The following SLAIN1 variants were observed in gnomAD, a reference collection of about 807,000 sequenced individuals.
The protein encoded by SLAIN1 is SLAIN motif-containing protein 1.
A neutral mutation model predicts 55.4 loss-of-function variants in SLAIN1; 17 were observed. The ratio of observed to expected loss-of-function variants is 0.31; its 90% CI spans 0.21 to 0.46. The LOEUF is 0.46. Among genes scored for constraint, SLAIN1 ranks in the 20% least tolerant of loss-of-function variants. The probability of loss-of-function intolerance (pLI) is 1.00; values close to 1 mark genes in which losing one functional copy is unlikely to be tolerated. For synonymous variants in SLAIN1, 348 were observed against 337.4 expected (o/e 1.03, Z -0.35); for missense variants, 682 against 785.1 (o/e 0.87, Z 1.57).
chr13:77,739,928 C>A (rs765897963), intron 2 of SLAIN1, among the ~76,000 whole-genome samples: 4 of 151,678 alleles, frequency 2.6e-5, no homozygotes, highest in African/African-American at 4.8e-5. Context: ...AATAAGAGAC[C>A]GTTAGTCACC....
chr13:77,725,930 A>G (rs1206429234), intron 2 of SLAIN1, among the ~76,000 whole-genome samples: 1 of 152,164 alleles, frequency 6.6e-6, no homozygotes, highest in Non-Finnish European at 1.5e-5. Context: ...ACAATTGCTA[A>G]TGAGCTTATT....
At chr13:77,720,475 A>G (rs1002460699) in intron 2 of SLAIN1, among the ~76,000 whole-genome samples, 5 of 152,310 alleles carry the variant, frequency 3.3e-5, no homozygotes, top group East Asian at 1.9e-4. Context: ...TGTGATTCTC[A>G]TGTACACTGA....
At chr13:77,720,519 G>C (rs1290952164) in intron 2 of SLAIN1, among the ~76,000 whole-genome samples, 2 of 152,160 alleles carry the variant, frequency 1.3e-5, no homozygotes. Context: ...GCTCTTTGAG[G>C]ATAATGAATA....
chr13:77,740,917 C>T (rs1178357089), intron 2 of SLAIN1, among the ~76,000 whole-genome samples: 1 of 152,026 alleles, frequency 6.6e-6, no homozygotes. Context: ...TTTTGTTAGC[C>T]TGCCTTTACA....
At chr13:77,760,082 T>G (rs1146920) in intron 5 of SLAIN1, among the ~76,000 whole-genome samples, 47,881 of 151,942 alleles carry the variant, frequency 0.32, 7,779 homozygotes, top group African/African-American at 0.37. Context: ...GTACTAGGCA[T>G]CAAAGGCTTG....
At position 77,738,157 on chromosome 13, in the gene SLAIN1, G is replaced by A. The variant is rs143033973; in HGVS notation, c.767-6126G>A. On this transcript the variant is annotated intron_variant, in intron 2 of 6. Coordinates refer to ENST00000418532, the MANE Select transcript of SLAIN1 (RefSeq NM_001242868.2). ...AGGAATGACTCTAGATGTTGTAAAC[G>A]TTGGGCATCTGAATCATTCTGGAGC... 7.0e-3 allele frequency among the ~76,000 whole-genome samples: 1,057 copies of A among 151,764 alleles called. 12 individuals are homozygous for A. Among genetic ancestry groups the A allele is most frequent in the African/African-American group, 0.024 (1,004 of 41,374 alleles).
At chr13:77,740,240 G>T (rs1873349651) in intron 2 of SLAIN1, among the ~76,000 whole-genome samples, 1 of 152,014 alleles carries the variant, frequency 6.6e-6, no homozygotes, top group African/African-American at 2.4e-5. Context: ...TTCAGAACAG[G>T]TTTGCTCAGG....
chr13:77,711,596 C>CA (rs1052672144), intron 1 of SLAIN1, among the ~76,000 whole-genome samples: 3 of 151,922 alleles, frequency 2.0e-5, no homozygotes, highest in African/African-American at 2.4e-5. Context: ...ACCTATCAAC[C>CA]AAAAAAAGCC....
At chr13:77,728,807 G>A (rs928113644) in intron 2 of SLAIN1, among the ~76,000 whole-genome samples, 1 of 152,140 alleles carries the variant, frequency 6.6e-6, no homozygotes, top group Non-Finnish European at 1.5e-5. Flanking sequence ...GTCTCTCCTT[G>A]CTTGGCCCAA....
At chr13:77,748,398 C>CTTTTTTTTTT (rs934265928) in intron 4 of SLAIN1, among the ~76,000 whole-genome samples, 7 of 79,552 alleles carry the variant, frequency 8.8e-5, no homozygotes, top group African/African-American at 5.2e-5. Flanking sequence ...TTCTCTAAAG[C>CTTTTTTTTTT]TTTTTTTTTT....
At chr13:77,741,427 G>C in intron 2 of SLAIN1, 1 of 987,418 alleles carries the variant, frequency 1.0e-6, no homozygotes, top group Non-Finnish European at 1.2e-6. Context: ...ATTGGGAAAA[G>C]CTGCTTAACC....
chr13:77,701,945 A>G (rs946666351), intron 1 of SLAIN1, among the ~76,000 whole-genome samples: 1 of 128,336 alleles, frequency 7.8e-6, no homozygotes, highest in South Asian at 2.7e-4. Context: ...AGTCCCCAGA[A>G]TGTGATATTC....
intron 2 of SLAIN1, among the ~76,000 whole-genome samples, chr13:77,729,062 A>G (rs1482787196): frequency 6.6e-6 from 1 of 152,180 alleles, no homozygotes; most frequent in African/African-American, 2.4e-5. Context: ...GGATTTCATC[A>G]CATCTTTATG....
intron 1 of SLAIN1, among the ~76,000 whole-genome samples, chr13:77,716,998 T>C (rs1247661946): frequency 1.3e-5 from 2 of 152,174 alleles, no homozygotes; most frequent in East Asian, 1.9e-4. Flanking sequence ...TTTTTGTAGA[T>C]GCCTTCAATC....
At chr13:77,711,353 G>A (rs1290125332) in intron 1 of SLAIN1, among the ~76,000 whole-genome samples, 1 of 152,062 alleles carries the variant, frequency 6.6e-6, no homozygotes, top group Non-Finnish European at 1.5e-5. Context: ...AGAAAAGAGA[G>A]AAGAATCAAA....
intron 1 of SLAIN1, among the ~76,000 whole-genome samples, chr13:77,706,904 G>A (rs1300918458): frequency 6.6e-6 from 1 of 152,160 alleles, no homozygotes; most frequent in Non-Finnish European, 1.5e-5. Flanking sequence ...TGAGTGCACT[G>A]TGTTTGGATA....
rs1051641629 is a variant in SLAIN1, at chr13:77,699,297, TTAAAC to T, written c.626+760_626+764del. ...AACGAACTGTCTTTAATTTTTTAAATTAAACTGTAGAAGAAAAGTGAGATTAGAGA... is the reference window on the plus strand; with the variant it reads ...AACGAACTGTCTTTAATTTTTTAAATTGTAGAAGAAAAGTGAGATTAGAGA... On this transcript the variant is annotated intron_variant, in intron 1 of 6. Coordinates refer to ENST00000418532, the MANE Select transcript of SLAIN1 (RefSeq NM_001242868.2). 2.4e-5 allele frequency: 7 copies of T among 292,618 alleles called. No homozygotes were observed. The East Asian group carries it at 2.4e-4, about 10-fold the overall frequency. 18.1% of individuals were successfully genotyped at this position (292,618 alleles called of 1,614,324 possible). A position where few individuals can be genotyped will look rare whatever the true frequency, so the allele number is the denominator to read the frequency against.
In SLAIN1 at chr13:77,754,202, A is replaced by G. The variant is rs891163373; in HGVS notation, c.1414+844A>G. Among the ~76,000 whole-genome samples the G allele has an allele frequency of 2.0e-5, 3 of 152,192 alleles. No homozygotes were observed. In the South Asian group the frequency reaches 6.2e-4, roughly 31 times the overall value. ...ACCGGATGTTTTAAGTCTGCATCCA[A>G]AATGGTTTGTAGCTTTTCTCCCTCA... On this transcript the variant is annotated intron_variant, in intron 5 of 6. Transcript: ENST00000418532.
intron 2 of SLAIN1, among the ~76,000 whole-genome samples, chr13:77,743,852 A>G (rs1446050973): frequency 6.6e-6 from 1 of 152,012 alleles, no homozygotes; most frequent in Admixed American, 6.6e-5. Context: ...TTAAAATTTA[A>G]TTTAAAAATA....
Sources: gnomAD v4.1 joint callset for allele counts (sites outside exome capture counted in the v4.1 genomes callset) on GRCh38, gnomAD v4.1.1 for gene constraint, MANE v1.5 for transcripts, NCBI Gene and HGNC (gene_info 2026-07-23, HGNC 2026-07-21) for gene names.